The following PLCD1 variants were observed in gnomAD, a reference collection of about 807,000 sequenced individuals.
PLCD1 encodes the protein 1-phosphatidylinositol 4,5-bisphosphate phosphodiesterase delta-1.
PLCD1 carries 71 observed loss-of-function variants against 87.4 expected under a neutral mutation model. The observed-to-expected ratio is 0.81, with a 90% CI of 0.67 to 0.99. The LOEUF (loss-of-function observed/expected upper bound fraction) is 0.99, where lower values mean the gene tolerates loss of function less well. PLCD1 is among the 50% of genes least tolerant of loss of function. PLCD1 has a pLI of 0.00. For missense variants in PLCD1, 867 were observed against 1,001.5 expected, an observed-to-expected ratio of 0.87 and a Z score of 1.81; for synonymous variants, 348 against 399.2, an observed-to-expected ratio of 0.87 and a Z score of 1.53.
chr3:38,016,757 T>C, intron 2 of PLCD1, 38 bp from the exon 3 acceptor site: 1 of 1,416,780 alleles, frequency 7.1e-7, no homozygotes, highest in African/African-American at 1.4e-5. Flanking sequence ...AGGGAGAGAA[T>C]GCTGTGAGGT....
intron 3 of PLCD1, among the ~76,000 whole-genome samples, chr3:38,015,262 G>A (rs1192361039): frequency 6.6e-6 from 1 of 152,224 alleles, no homozygotes; most frequent in Non-Finnish European, 1.5e-5. Flanking sequence ...CAATTGGAAG[G>A]AATGAAGTAC....
chr3:38,011,749 A>G (rs1700081734), intron 3 of PLCD1, 76 bp from the exon 4 acceptor site: 5 of 1,454,750 alleles, frequency 3.4e-6, no homozygotes, highest in Non-Finnish European at 3.9e-6. Context: ...GGATGGCTCC[A>G]GCTGAAGCCA....
At chr3:38,021,667 A>C (rs1700235806) in intron 1 of PLCD1, among the ~76,000 whole-genome samples, 1 of 152,230 alleles carries the variant, frequency 6.6e-6, no homozygotes, top group Admixed American at 6.5e-5. Context: ...ATTGAGAGCC[A>C]ATCGGCCACT....
rs1450059679 is a variant in PLCD1 at position 38,007,773 on chromosome 3, C to G, written c.2271G>C (p.Ter757TyrextTer10). The G allele has an allele frequency of 3.1e-6, 5 of 1,610,922 alleles. No individual in the cohort carries two copies. Among genetic ancestry groups the G allele is most frequent in the Non-Finnish European group, 4.2e-6 (5 of 1,177,132 alleles). Residue 757 changes from the stop codon to tyrosine (Y), a stop_lost, in exon 15 of 15, where the codon TAG becomes TAC. Transcript: ENST00000334661. ...GGGGACCCCACTGGCTTCCTCCAGC[C>G]TAGTCCTGGAGGGAGATCTTCACAA... is the stretch of plus-strand genomic sequence containing the variant. ...TLFVKISLQD[*>Y] is the part of the protein sequence containing the mutation.
Position 38,011,586 on chromosome 3 carries a change from G to C in PLCD1, c.516C>G (p.Leu172=), listed in dbSNP as rs758474875. Residue 172 remains leucine, a synonymous_variant, in exon 4 of 15, where the codon CTC becomes CTG. Transcript: ENST00000334661. ...FKELQNFLKE[L]NIQVDDSYAR... ...CATAGCTGTCGTCCACCTGGATGTT[G>C]AGCTCCTTCAGGAAGTTCTGCAGCT... 4 of 1,614,080 alleles carry C rather than the reference G, an allele frequency of 2.5e-6. No homozygotes were observed. Among genetic ancestry groups the C allele is most frequent in the Non-Finnish European group, 3.4e-6 (4 of 1,180,002 alleles).
intron 3 of PLCD1, among the ~76,000 whole-genome samples, chr3:38,015,676 G>A (rs1393672924): frequency 1.3e-5 from 2 of 152,174 alleles, no homozygotes; most frequent in Admixed American, 1.3e-4. Flanking sequence ...CGACCACTTC[G>A]AATCATAAAC....
At position 38,010,158 on chromosome 3, in the gene PLCD1, G is replaced by GAGCACATC. The variant is rs768206201; in HGVS notation, c.1102_1109dup (p.Arg371MetfsTer33). Reference sequence around the variant, plus strand: ...TGAAGGCATAGTCCCGGATGGCCCTGAGCACATCGCAGAAGAGGATCTTGG... The same window carrying GAGCACATC: ...TGAAGGCATAGTCCCGGATGGCCCTGAGCACATCAGCACATCGCAGAAGAGGATCTTGG... On this transcript the variant is annotated frameshift_variant, in exon 7 of 15. Transcript: ENST00000334661. LOFTEE classifies it high-confidence loss of function. 2 of 1,614,242 alleles carry GAGCACATC rather than the reference G, an allele frequency of 1.2e-6. No homozygotes were observed. The highest frequency in any genetic ancestry group is 8.5e-7 in the Non-Finnish European group (1 of 1,180,034).
At position 38,029,546 on chromosome 3, in the gene PLCD1, C is replaced by T. The variant is rs757974909; in HGVS notation, c.-7G>A. The T allele has an allele frequency of 6.5e-6, 10 of 1,537,156 alleles. No homozygotes were observed. The highest frequency in any genetic ancestry group is 1.2e-5 in the South Asian group (1 of 83,900). ...AGTCCCGGCCCGAGTCCATGCCCGA[C>T]GGGCGGCGCGGCGGGAGGGGCACCG... On this transcript the variant is annotated 5_prime_UTR_variant, in exon 1 of 15. Transcript: ENST00000334661.
intron 1 of PLCD1, chr3:38,024,661 G>A: frequency 1.3e-6 from 2 of 1,515,416 alleles, no homozygotes; most frequent in Non-Finnish European, 1.8e-6. Flanking sequence ...GGGGTAGTCA[G>A]ACGCTAGGAG....
chr3:38,027,592 C>T (rs1431007399), intron 1 of PLCD1, among the ~76,000 whole-genome samples: 7 of 152,294 alleles, frequency 4.6e-5, no homozygotes, highest in East Asian at 1.9e-4. Flanking sequence ...CTAGGTGAGC[C>T]GCATAGCTCC....
chr3:38,011,088 C>T, intron 5 of PLCD1, 126 bp downstream of exon 5: 1 of 687,106 alleles, frequency 1.5e-6, no homozygotes, highest in South Asian at 1.9e-5. Flanking sequence ...TGGAGCAGGG[C>T]CCCGGGGCTG....
intron 3 of PLCD1, among the ~76,000 whole-genome samples, chr3:38,013,514 G>A (rs759996354): frequency 5.9e-5 from 9 of 152,122 alleles, no homozygotes; most frequent in East Asian, 1.9e-4. Flanking sequence ...CGCCCCGCCC[G>A]GATTTTAATT....
rs1275643983 is a variant in PLCD1, at chr3:38,007,702, A to C, written c.*71T>G. The C allele has an allele frequency of 8.4e-7, 1 of 1,191,888 alleles. No homozygotes were observed. Among genetic ancestry groups the C allele is most frequent in the Non-Finnish European group, 1.3e-6 (1 of 799,974 alleles). 73.8% of individuals were successfully genotyped at this position (1,191,888 alleles called of 1,614,324 possible). ...TGAGCAAGAGGCTGGGAGCAGCCAC[A>C]CCAGCCCTGTCCCCACATGTGGACA... On this transcript the variant is annotated 3_prime_UTR_variant, in exon 15 of 15. Coordinates refer to ENST00000334661, the MANE Select transcript of PLCD1 (RefSeq NM_006225.4).
chr3:38,012,764 G>A (rs746445856), intron 3 of PLCD1, among the ~76,000 whole-genome samples: 16 of 152,044 alleles, frequency 1.1e-4, no homozygotes, highest in South Asian at 8.3e-4. Context: ...TGATCCACCC[G>A]CCTTGGCCTC....
intron 1 of PLCD1, among the ~76,000 whole-genome samples, chr3:38,022,700 G>A (rs1700252568): frequency 6.6e-6 from 1 of 152,112 alleles, no homozygotes; most frequent in African/African-American, 2.4e-5. Flanking sequence ...TTCCAGAAAG[G>A]TGATAGCCAC....
chr3:38,019,014 C>T (rs929255306), intron 2 of PLCD1: 3 of 152,332 alleles, frequency 2.0e-5, no homozygotes, highest in African/African-American at 7.2e-5. Flanking sequence ...CATACCTTCT[C>T]AGGGTCCTGT....
intron 13 of PLCD1, 29 bp downstream of exon 13, chr3:38,008,206 T>C (rs1387905367): frequency 6.2e-7 from 1 of 1,613,704 alleles, no homozygotes; most frequent in Non-Finnish European, 8.5e-7. Context: ...ACACCAGCCC[T>C]AGTAGCCCAG....
At chr3:38,010,599 C>A (rs747197256) in intron 5 of PLCD1, 37 bp from the exon 6 acceptor site, 1 of 1,564,528 alleles carries the variant, frequency 6.4e-7, no homozygotes, top group Non-Finnish European at 8.7e-7. Flanking sequence ...CAGAGCCAGC[C>A]TCCAGCAGGC....
chr3:38,016,007 G>A (rs532023282), intron 3 of PLCD1, among the ~76,000 whole-genome samples: 4 of 152,124 alleles, frequency 2.6e-5, no homozygotes, highest in Admixed American at 2.0e-4. Context: ...GACCAAAGAG[G>A]GCTTCATGTA....
Sources: gnomAD v4.1 joint callset for allele counts (sites outside exome capture counted in the v4.1 genomes callset) on GRCh38, gnomAD v4.1.1 for gene constraint, MANE v1.5 for transcripts, NCBI Gene and HGNC (gene_info 2026-07-23, HGNC 2026-07-21) for gene names.